The following ZNF627 variants were observed in gnomAD, a reference collection of about 807,000 sequenced individuals.
The protein encoded by ZNF627 is zinc finger protein 627.
Under a neutral mutation model 10.6 loss-of-function variants are expected in ZNF627, and 12 were observed. The observed-to-expected ratio is 1.13, with a 90% CI of 0.73 to 1.84. ZNF627 has a LOEUF of 1.84. Among genes scored for constraint, ZNF627 ranks in the 40% most tolerant of loss-of-function variants. ZNF627 has a pLI of 0.00. For missense variants in ZNF627, 504 were observed against 568.4 expected, an observed-to-expected ratio of 0.89 and a Z score of 1.15; for synonymous variants, 176 against 187.1, an observed-to-expected ratio of 0.94 and a Z score of 0.48.
In ZNF627 at chr19:11,612,277, C is replaced by T. The variant is rs866023400; in HGVS notation, c.4-2250C>T. ...CTGGGACTACAGGCGTCCGCCACCACGCCCGGCTAATTTTTTGTATTTTTC... is the reference window on the plus strand; with the variant it reads ...CTGGGACTACAGGCGTCCGCCACCATGCCCGGCTAATTTTTTGTATTTTTC... On this transcript the variant is annotated intron_variant, in intron 1 of 3. Coordinates refer to ENST00000361113, the MANE Select transcript of ZNF627 (RefSeq NM_145295.4). Among the ~76,000 whole-genome samples the T allele has an allele frequency of 4.6e-5, 7 of 151,650 alleles. No homozygotes were observed. The South Asian group carries it at 8.3e-4, about 18-fold the overall frequency.
In ZNF627 at chr19:11,618,571, C is replaced by G. The variant is rs1424435121; in HGVS notation, c.*682C>G. ...TGTTCATACTAGTAGTGACTGTATT[C>G]TTGATTCAGCCTGATAGCTACCATG... is the stretch of plus-strand genomic sequence containing the variant. On this transcript the variant is annotated 3_prime_UTR_variant, in exon 4 of 4. Transcript: ENST00000361113. The G allele has an allele frequency of 6.6e-6, 1 of 152,184 alleles. No homozygotes were observed. Among genetic ancestry groups the G allele is most frequent in the Non-Finnish European group, 1.5e-5 (1 of 68,046 alleles). 9.4% of individuals were successfully genotyped at this position (152,184 alleles called of 1,614,324 possible). A position where few individuals can be genotyped will look rare whatever the true frequency, so the allele number is the denominator to read the frequency against.
chr19:11,597,573 C>T lies in ZNF627; in HGVS notation c.-55C>T. The T allele has an allele frequency of 7.6e-6, 10 of 1,317,176 alleles. No individual in the cohort carries two copies. Among genetic ancestry groups the T allele is most frequent in the Non-Finnish European group, 9.8e-6 (10 of 1,024,282 alleles). 81.6% of individuals were successfully genotyped at this position (1,317,176 alleles called of 1,614,324 possible). A position where few individuals can be genotyped will look rare whatever the true frequency, so the allele number is the denominator to read the frequency against. On this transcript the variant is annotated 5_prime_UTR_variant, in exon 1 of 4. Coordinates refer to ENST00000361113, the MANE Select transcript of ZNF627 (RefSeq NM_145295.4). ...GCCGCAGCCTCTGTCGCGCCGTGACCTGTACAGGTCGCGGGAGTCGTAGGG... is the reference window on the plus strand; with the variant it reads ...GCCGCAGCCTCTGTCGCGCCGTGACTTGTACAGGTCGCGGGAGTCGTAGGG...
chr19:11,607,878 G>A (rs1005863172), intron 1 of ZNF627, among the ~76,000 whole-genome samples: 1 of 152,070 alleles, frequency 6.6e-6, no homozygotes, highest in Non-Finnish European at 1.5e-5. Context: ...CTGTTCCCCA[G>A]TTCCAAAGTT....
chr19:11,619,078 C>G lies in ZNF627; in HGVS notation c.*1189C>G, dbSNP rs970238668. 1.3e-5 allele frequency: 2 copies of G among 152,138 alleles called. No homozygotes were observed. The highest frequency in any genetic ancestry group is 2.9e-5 in the Non-Finnish European group (2 of 68,036). 9.4% of individuals were successfully genotyped at this position (152,138 alleles called of 1,614,324 possible). A position where few individuals can be genotyped will look rare whatever the true frequency, so the allele number is the denominator to read the frequency against. ...CTCTCTTGCTAAAGACCGCAGAGAC[C>G]ATACCTGTTGTCAAAGAGGGTGTAA... On this transcript the variant is annotated 3_prime_UTR_variant, in exon 4 of 4. Transcript: ENST00000361113.
chr19:11,602,268 C>T (rs1347194971), intron 1 of ZNF627, among the ~76,000 whole-genome samples: 2 of 152,096 alleles, frequency 1.3e-5, no homozygotes, highest in Admixed American at 6.6e-5. Context: ...GTTTTGTTAA[C>T]AGGTACTTTG....
At chr19:11,600,658 A>G (rs1016696611) in intron 1 of ZNF627, among the ~76,000 whole-genome samples, 1 of 152,158 alleles carries the variant, frequency 6.6e-6, no homozygotes, top group East Asian at 1.9e-4. Context: ...TAAATTGGTG[A>G]ATTACAGAGA....
chr19:11,606,475 G>A (rs911616338), intron 1 of ZNF627, among the ~76,000 whole-genome samples: 1 of 152,168 alleles, frequency 6.6e-6, no homozygotes, highest in East Asian at 1.9e-4. Flanking sequence ...CCCCACTCCT[G>A]GCTGCTTTCA....
chr19:11,603,168 TG>T (rs1973616667), intron 1 of ZNF627, among the ~76,000 whole-genome samples: 1 of 152,090 alleles, frequency 6.6e-6, no homozygotes, highest in Admixed American at 6.6e-5. Flanking sequence ...GCATTTAGTT[TG>T]GGGGTTAGGA....
At chr19:11,609,458 C>G (rs1369943451) in intron 1 of ZNF627, among the ~76,000 whole-genome samples, 1 of 77,962 alleles carries the variant, frequency 1.3e-5, no homozygotes, top group Non-Finnish European at 3.1e-5. Flanking sequence ...CCTGGGTAGT[C>G]TTTTAAAAAA....
At chr19:11,597,731 C>G (rs913283955) in intron 1 of ZNF627, 101 bp downstream of exon 1, 39 of 1,239,314 alleles carry the variant, frequency 3.1e-5, no homozygotes, top group Non-Finnish European at 3.9e-5. Context: ...GCGGCGACTC[C>G]GGGGTCTGGG....
At chr19:11,612,828 T>C (rs1973796150) in intron 1 of ZNF627, among the ~76,000 whole-genome samples, 1 of 151,328 alleles carries the variant, frequency 6.6e-6, no homozygotes, top group South Asian at 2.1e-4. Flanking sequence ...GTTACATGGG[T>C]AAATTGCGTG....
Position 11,597,650 on chromosome 19 carries a change from C to G in ZNF627, c.3+20C>G. The G allele has an allele frequency of 7.5e-7, 1 of 1,335,738 alleles. No homozygotes were observed. Among genetic ancestry groups the G allele is most frequent in the African/African-American group, 1.5e-5 (1 of 66,740 alleles). The allele number at this position is 1,335,738 out of a possible 1,614,324, so 82.7% of individuals were successfully genotyped here. ...GAAATGGTGCGTGTGAGGGGTCAGG[C>G]GTCCCCAGACCTGGGGGAGGGGCTG... On this transcript the variant is annotated intron_variant, in intron 1 of 3. Transcript: ENST00000361113.
At chr19:11,611,052 C>G (rs1207891700) in intron 1 of ZNF627, among the ~76,000 whole-genome samples, 1 of 151,874 alleles carries the variant, frequency 6.6e-6, no homozygotes, top group African/African-American at 2.4e-5. Context: ...GGGGTTTTAC[C>G]ATGTTGGCCA....
chr19:11,599,815 G>A lies in ZNF627; in HGVS notation c.3+2185G>A, dbSNP rs948546800. 2.9e-4 allele frequency among the ~76,000 whole-genome samples: 44 copies of A among 152,082 alleles called. 1 individual carries two copies. The highest frequency in any genetic ancestry group is 5.9e-5 in the Non-Finnish European group (4 of 68,024). ...TCAGCTACTGGGGAGGCTGAGGCATGAGAATCGCTTTAACGTGGGAGGCAA... is the reference window on the plus strand; with the variant it reads ...TCAGCTACTGGGGAGGCTGAGGCATAAGAATCGCTTTAACGTGGGAGGCAA... On this transcript the variant is annotated intron_variant, in intron 1 of 3. Transcript: ENST00000361113.
At chr19:11,613,973 G>A (rs1006446577) in intron 1 of ZNF627, among the ~76,000 whole-genome samples, 1 of 140,388 alleles carries the variant, frequency 7.1e-6, no homozygotes. Context: ...CCGGTCTGGA[G>A]TGCAGTGGTG....
chr19:11,605,332 T>C (rs35315480), intron 1 of ZNF627, among the ~76,000 whole-genome samples: 62,862 of 151,628 alleles, frequency 0.41, 13,350 homozygotes, highest in Non-Finnish European at 0.47. Flanking sequence ...TGAGCCACCG[T>C]GCCCAGCCTC....
chr19:11,601,283 C>T (rs1486049896), intron 1 of ZNF627, among the ~76,000 whole-genome samples: 3 of 152,066 alleles, frequency 2.0e-5, no homozygotes, highest in South Asian at 4.1e-4. Flanking sequence ...TGTTTGTAGA[C>T]GTTTCTAATG....
intron 1 of ZNF627, among the ~76,000 whole-genome samples, chr19:11,603,417 G>A (rs1401077956): frequency 2.0e-5 from 3 of 151,268 alleles, no homozygotes; most frequent in African/African-American, 7.3e-5. Context: ...AACAAGCTAG[G>A]ACTACAGGTG....
intron 1 of ZNF627, among the ~76,000 whole-genome samples, chr19:11,604,883 A>T (rs893735503): frequency 1.1e-4 from 17 of 152,214 alleles, no homozygotes; most frequent in African/African-American, 4.1e-4. Flanking sequence ...TGGGTCTCAT[A>T]GGTGGGAGAA....
Sources: gnomAD v4.1 joint callset for allele counts (sites outside exome capture counted in the v4.1 genomes callset) on GRCh38, gnomAD v4.1.1 for gene constraint, MANE v1.5 for transcripts, NCBI Gene and HGNC (gene_info 2026-07-23, HGNC 2026-07-21) for gene names.